HUWE1: variants seen among roughly 807,000 people sequenced by gnomAD.
The protein encoded by HUWE1 is HECT, UBA and WWE domain containing E3 ubiquitin protein ligase 1.
HUWE1 carries 18 observed loss-of-function variants against 299.4 expected under a neutral mutation model. The ratio of observed to expected loss-of-function variants is 0.06; its 90% CI spans 0.04 to 0.09. The LOEUF is 0.09. Ranked by LOEUF, HUWE1 falls within the 10% of genes least tolerant of loss-of-function variation. HUWE1 has a pLI of 1.00. For synonymous variants in HUWE1, 1,317 were observed against 1,286.1 expected, an observed-to-expected ratio of 1.02 and a Z score of -0.51; for missense variants, 1,832 against 3,462.3, an observed-to-expected ratio of 0.53 and a Z score of 11.82.
At chrX:53,638,710 T>G (rs1233009721) in intron 7 of HUWE1, among the ~76,000 whole-genome samples, 2 of 112,224 alleles carry the variant, frequency 1.8e-5, no homozygotes, top group African/African-American at 6.5e-5. Context: ...AATCAGCAAC[T>G]CAGGAGTTAG....
At chrX:53,549,566 T>A in intron 66 of HUWE1, 61 bp from the exon 67 acceptor site, 1 of 991,638 alleles carries the variant, frequency 1.0e-6, no homozygotes, top group Non-Finnish European at 1.4e-6. Context: ...GGATTAGGCA[T>A]AAGAATGGGG....
intron 46 of HUWE1, 49 bp from the exon 47 acceptor site, chrX:53,574,013 CA>C (rs1556955682): frequency 9.5e-7 from 1 of 1,050,085 alleles, no homozygotes. Context: ...GGAACACTGG[CA>C]AAATCAAGTC....
At chrX:53,602,698 T>C (rs1556992206) in intron 27 of HUWE1, 40 bp from the exon 28 acceptor site, 2 of 673,061 alleles carry the variant, frequency 3.0e-6, no homozygotes, top group East Asian at 7.1e-5. Flanking sequence ...AATATATATA[T>C]ATATATACTG....
In HUWE1 at chrX:53,631,049, G is replaced by T; in HGVS notation, c.763-15C>A. 1.0e-6 allele frequency: 1 copy of T among 989,346 alleles called. No homozygotes were observed. 81.5% of individuals were successfully genotyped at this position (989,346 alleles called of 1,213,427 possible). On this transcript the variant is annotated splice_polypyrimidine_tract_variant and intron_variant, in intron 11 of 83. Coordinates refer to ENST00000262854, the MANE Select transcript of HUWE1 (RefSeq NM_031407.7). ...AATAACAGCATCTGTAGAGAGATAA[G>T]ACATACATTTTAAAAACATCAATGA...
At position 53,584,443 on chromosome X, in the gene HUWE1, G is replaced by A. The variant is rs2063764374; in HGVS notation, c.5002-98C>T. The A allele has an allele frequency of 9.7e-6, 7 of 719,147 alleles. No homozygotes were observed. The South Asian group carries it at 1.4e-4, about 15-fold the overall frequency. The allele number at this position is 719,147 out of a possible 1,213,427, so 59.3% of individuals were successfully genotyped here. ...TCTCCCAGGTAAAATGCTACAACAG[G>A]AAGGAACTCTGGCAATTTATCCCAC... On this transcript the variant is annotated intron_variant, in intron 40 of 83. Transcript: ENST00000262854.
Position 53,564,721 on chromosome X carries a change from G to A in HUWE1, c.6882C>T (p.Gly2294=), listed in dbSNP as rs2062445591. The A allele has an allele frequency of 2.5e-6, 3 of 1,211,660 alleles. No homozygotes were observed. The highest frequency in any genetic ancestry group is 1.8e-5 in the South Asian group (1 of 57,023). The change falls in exon 51 of 84, where the codon GGC becomes GGT. Residue 2294 remains glycine, a splice_region_variant and synonymous_variant. Transcript: ENST00000262854. ...CCTGCACTTCTGCTTCCCCAGGCTC[G>A]CCTGAAACAATCAACCAACCAGCAA... ...QDSSSNQQDP[G]EPGEAEVQEE...
intron 17 of HUWE1, chrX:53,626,050 T>C: frequency 2.6e-6 from 1 of 378,648 alleles, no homozygotes; most frequent in Non-Finnish European, 5.3e-6. Context: ...GTACAAGTTA[T>C]GATAAAGAAA....
chrX:53,550,099 A>G (rs1344199664), intron 66 of HUWE1, among the ~76,000 whole-genome samples: 1 of 111,127 alleles, frequency 9.0e-6, no homozygotes, highest in Non-Finnish European at 1.9e-5. Context: ...CAAACAGGTT[A>G]AGTGACTTGC....
intron 73 of HUWE1, 116 bp downstream of exon 73, chrX:53,543,725 T>C (rs1469610123): frequency 2.9e-6 from 3 of 1,047,809 alleles, no homozygotes; most frequent in South Asian, 2.0e-5. Context: ...GAAGCATTCA[T>C]ATAGCAAACT....
chrX:53,556,235 A>G, intron 60 of HUWE1: 1 of 345,410 alleles, frequency 2.9e-6, no homozygotes, highest in Admixed American at 3.1e-5. Context: ...AATATGCCAC[A>G]CACCAGGGAA....
chrX:53,569,848 AC>A, intron 47 of HUWE1, 21 bp from the exon 48 acceptor site: 1 of 1,143,569 alleles, frequency 8.7e-7, no homozygotes, highest in Non-Finnish European at 1.2e-6. Context: ...ATGAATCACG[AC>A]ATTTACTTAC....
chrX:53,669,933 A>T (rs1557048756), intron 3 of HUWE1, among the ~76,000 whole-genome samples: 2 of 112,577 alleles, frequency 1.8e-5, no homozygotes, highest in African/African-American at 6.4e-5. Context: ...CAATCTTTTT[A>T]AAAATAGCAA....
rs199626967 is a variant in HUWE1 at position 53,548,234 on chromosome X, T to C, written c.10075A>G (p.Thr3359Ala). 3.9e-5 allele frequency: 47 copies of C among 1,209,230 alleles called. No individual in the cohort carries two copies. The highest frequency in any genetic ancestry group is 2.3e-4 in the Middle Eastern group (1 of 4,362). ...CTTTCCCGATCACTCTCACAGTTTG[T>C]TTCTTTGGTCCGCTGCTGTGTGAAG... ...SHFTQQRTKE[T>A]NCESDRERGN... The change falls in exon 68 of 84, where the codon ACA (threonine) becomes GCA (alanine). Residue 3359 changes from threonine to alanine, a missense_variant. By Grantham distance (58) the Thr-to-Ala change is moderately conservative. This residue lies in a region of HUWE1 where 80 missense variants were observed against 142.1 expected (regional missense o/e 0.56). Transcript: ENST00000262854.
chrX:53,661,508 A>G (rs918299470), intron 3 of HUWE1, among the ~76,000 whole-genome samples: 5 of 111,818 alleles, frequency 4.5e-5, no homozygotes, highest in Non-Finnish European at 9.4e-5. Context: ...TAATGAAAGG[A>G]ACAGTAACTG....
Position 53,539,756 on chromosome X carries a change from G to C in HUWE1, c.11533C>G (p.Pro3845Ala), listed in dbSNP as rs1240965671. 1 of 1,209,484 alleles carries C rather than the reference G, an allele frequency of 8.3e-7. No homozygotes were observed. Among genetic ancestry groups the C allele is most frequent in the African/African-American group, 1.7e-5 (1 of 57,232 alleles). Residue 3845 changes from proline to alanine, a missense_variant, in exon 75 of 84, where the codon CCC becomes GCC. Around this residue, in one of 15 missense-constraint regions of HUWE1, gnomAD observed 129 missense variants for 439.4 expected, o/e 0.29. Coordinates refer to ENST00000262854, the MANE Select transcript of HUWE1 (RefSeq NM_031407.7). ...KEKEERPPEL[P>A]LLSEQLSLDE... ...AAACTCAGCTGCTCGCTGAGCAGGG[G>C]TAACTCAGGTGGTCTTTCTTCCTTT...
At chrX:53,561,956 G>A (rs782627379) in intron 54 of HUWE1, 32 bp from the exon 55 acceptor site, 1 of 1,209,265 alleles carries the variant, frequency 8.3e-7, no homozygotes. Flanking sequence ...GAGAATTGCT[G>A]GAGGTAAGGG....
chrX:53,534,982 G>C (rs1335487969), intron 81 of HUWE1, among the ~76,000 whole-genome samples: 2 of 109,052 alleles, frequency 1.8e-5, no homozygotes, highest in African/African-American at 6.7e-5. Context: ...TGTTGCCCAG[G>C]CTGGAGAAGA....
At chrX:53,561,946 G>A in intron 54 of HUWE1, 22 bp from the exon 55 acceptor site, 2 of 1,211,372 alleles carry the variant, frequency 1.7e-6, no homozygotes, top group Non-Finnish European at 2.2e-6. Flanking sequence ...ATAGGAGATG[G>A]AGAATTGCTG....
chrX:53,547,818 G>A lies in HUWE1; in HGVS notation c.10491C>T (p.Ala3497=), dbSNP rs781899827. 41 of 1,195,699 alleles carry A rather than the reference G, an allele frequency of 3.4e-5. No homozygotes were observed. The highest frequency in any genetic ancestry group is 1.6e-4 in the African/African-American group (9 of 56,750). ...TSTTSTTTTT[A]ASTTPTPPTA... is the part of the protein sequence containing the mutation. ...TAGGGGGTGTGGGCGTGGTGGAGGCGGCAGTGGTGGTGGTGGTAGATGTGG... is the reference window on the plus strand; with the variant it reads ...TAGGGGGTGTGGGCGTGGTGGAGGCAGCAGTGGTGGTGGTGGTAGATGTGG... The change falls in exon 68 of 84, where the codon GCC becomes GCT. Residue 3497 remains alanine, a synonymous_variant. Coordinates refer to ENST00000262854, the MANE Select transcript of HUWE1 (RefSeq NM_031407.7).
Sources: allele counts gnomAD v4.1 joint callset (sites outside exome capture counted in the v4.1 genomes callset), GRCh38; gene constraint gnomAD v4.1.1; regional missense constraint gnomAD v4.1.1; transcripts MANE v1.5; gene names NCBI Gene and HGNC (gene_info 2026-07-23, HGNC 2026-07-21).